Variants in SYNGR1 observed in about 807,000 individuals in gnomAD.
SYNGR1 encodes the protein synaptogyrin-1.
In SYNGR1, 14 loss-of-function variants were observed where a neutral mutation model predicts 26.1. The observed-to-expected ratio is 0.54, with a 90% CI of 0.35 to 0.84. SYNGR1 has a LOEUF of 0.84. Ranked by LOEUF, SYNGR1 falls within the 40% of genes least tolerant of loss-of-function variation. The pLI, the probability that SYNGR1 is intolerant of heterozygous loss-of-function variation, is 0.01. For missense variants in SYNGR1, 319 were observed against 332.9 expected (o/e 0.96, Z 0.33); for synonymous variants, 141 against 150.1 (o/e 0.94, Z 0.44).
chr22:39,367,256 C>T (rs942054203), intron 1 of SYNGR1, among the ~76,000 whole-genome samples: 2 of 152,224 alleles, frequency 1.3e-5, no homozygotes, highest in African/African-American at 2.4e-5. Flanking sequence ...AGTGAACGAA[C>T]GGCTGATGTC....
At chr22:39,356,252 A>C (rs1054750100) in intron 1 of SYNGR1, among the ~76,000 whole-genome samples, 37 of 152,026 alleles carry the variant, frequency 2.4e-4, no homozygotes, top group Non-Finnish European at 1.6e-4. Flanking sequence ...ACAGGGTTTC[A>C]TCATGTTGGC....
rs6001562 is a variant in SYNGR1, at chr22:39,376,215, G to A, written c.483+18G>A. ...TCACCTGGGTGAGTACAGCCACCGC[G>A]CACCAGCCCACACTCGTCCCCTTTC... On this transcript the variant is annotated intron_variant, in intron 3 of 3. Coordinates refer to ENST00000328933, the MANE Select transcript of SYNGR1 (RefSeq NM_004711.5). 11 of 1,613,768 alleles carry A rather than the reference G, an allele frequency of 6.8e-6. No individual in the cohort carries two copies. The highest frequency in any genetic ancestry group is 1.1e-5 in the South Asian group (1 of 91,086).
intron 3 of SYNGR1, among the ~76,000 whole-genome samples, chr22:39,378,593 AC>A (rs1290005715): frequency 6.6e-6 from 1 of 152,198 alleles, no homozygotes; most frequent in Non-Finnish European, 1.5e-5. Context: ...CTGGTGGAGC[AC>A]AGACAGTTCC....
chr22:39,351,637 G>C (rs1184228190), intron 1 of SYNGR1, among the ~76,000 whole-genome samples: 3 of 152,274 alleles, frequency 2.0e-5, no homozygotes, highest in Admixed American at 2.0e-4. Context: ...TGGCCTGGAA[G>C]GGCGAAGCCA....
chr22:39,358,654 TG>T (rs566598221), intron 1 of SYNGR1, among the ~76,000 whole-genome samples: 35 of 151,862 alleles, frequency 2.3e-4, no homozygotes, highest in African/African-American at 8.5e-4. Context: ...ACCAGAAGGA[TG>T]AAACTCCGGA....
At chr22:39,354,295 C>T (rs1205545580) in intron 1 of SYNGR1, among the ~76,000 whole-genome samples, 1 of 152,110 alleles carries the variant, frequency 6.6e-6, no homozygotes, top group Non-Finnish European at 1.5e-5. Context: ...GGGTATCTTC[C>T]CCCCGTTTTA....
At chr22:39,364,263 G>A (rs749851166) in intron 1 of SYNGR1, 33 of 1,614,012 alleles carry the variant, frequency 2.0e-5, no homozygotes, top group South Asian at 3.3e-5. Context: ...CACAGAGGTC[G>A]TGGGTGAGCT....
At chr22:39,356,398 G>A (rs1301049051) in intron 1 of SYNGR1, among the ~76,000 whole-genome samples, 3 of 152,170 alleles carry the variant, frequency 2.0e-5, no homozygotes, top group Non-Finnish European at 4.4e-5. Context: ...GCTGTGGTGC[G>A]TTTTGTTATC....
intron 1 of SYNGR1, chr22:39,364,133 G>A: frequency 6.2e-7 from 1 of 1,610,080 alleles, no homozygotes; most frequent in South Asian, 1.1e-5. Flanking sequence ...AGTAAAGTGG[G>A]CCTGTGCCCT....
chr22:39,364,209 G>A, intron 1 of SYNGR1: 1 of 1,613,640 alleles, frequency 6.2e-7, no homozygotes, highest in Non-Finnish European at 8.5e-7. Context: ...TGACCTTAGA[G>A]TTTGGGATTC....
chr22:39,377,503 C>T, intron 3 of SYNGR1: 4 of 1,552,310 alleles, frequency 2.6e-6, no homozygotes, highest in Non-Finnish European at 3.5e-6. Flanking sequence ...AAGTACCTGA[C>T]CAACAGGTGC....
chr22:39,358,330 T>G (rs1204298241), intron 1 of SYNGR1, among the ~76,000 whole-genome samples: 1 of 152,144 alleles, frequency 6.6e-6, no homozygotes, highest in Non-Finnish European at 1.5e-5. Flanking sequence ...GCTCTACCAA[T>G]CAGCAGGATG....
chr22:39,360,243 C>T (rs1178601127), intron 1 of SYNGR1, among the ~76,000 whole-genome samples: 1 of 152,190 alleles, frequency 6.6e-6, no homozygotes, highest in Non-Finnish European at 1.5e-5. Context: ...CTCTCTCCTC[C>T]ACCCTCAGTT....
chr22:39,355,457 C>T (rs370310068), intron 1 of SYNGR1, among the ~76,000 whole-genome samples: 22 of 152,356 alleles, frequency 1.4e-4, no homozygotes, highest in Middle Eastern at 3.4e-3. Context: ...CCGGCCGCTC[C>T]GCCGCTTCTT....
chr22:39,371,069 C>G (rs981389880), intron 1 of SYNGR1, among the ~76,000 whole-genome samples: 1 of 152,148 alleles, frequency 6.6e-6, no homozygotes, highest in Non-Finnish European at 1.5e-5. Flanking sequence ...AGACATCTTA[C>G]AGAGATAAGA....
At chr22:39,380,159 C>A in intron 3 of SYNGR1, 1 of 101,634 alleles carries the variant, frequency 9.8e-6, no homozygotes, top group Non-Finnish European at 1.9e-5. Flanking sequence ...AATCTGAGAT[C>A]TGTGAAAAAA....
chr22:39,355,383 G>A (rs1419148024), intron 1 of SYNGR1, among the ~76,000 whole-genome samples: 2 of 152,240 alleles, frequency 1.3e-5, no homozygotes, highest in Admixed American at 6.5e-5. Context: ...GTGGGCCCAC[G>A]GCCCTTGTTT....
rs1303792984 is a variant in SYNGR1 at position 39,350,010 on chromosome 22, G to C, written c.-1G>C. 2 of 1,289,890 alleles carry C rather than the reference G, an allele frequency of 1.6e-6. No homozygotes were observed. Among genetic ancestry groups the C allele is most frequent in the African/African-American group, 1.5e-5 (1 of 64,978 alleles). 79.9% of individuals were successfully genotyped at this position (1,289,890 alleles called of 1,614,324 possible). A position where few individuals can be genotyped will look rare whatever the true frequency, so the allele number is the denominator to read the frequency against. On this transcript the variant is annotated 5_prime_UTR_variant, in exon 1 of 4. Transcript: ENST00000328933. The surrounding 1 kb of genome is among the most constrained non-coding windows in gnomAD (Gnocchi z 4.3). Reference sequence around the variant, plus strand: ...GGGGGCACCGCGCGGGTGCAGCCACGATGGAAGGGGGTGCGTACGGAGCGG... The same window carrying C: ...GGGGGCACCGCGCGGGTGCAGCCACCATGGAAGGGGGTGCGTACGGAGCGG...
At chr22:39,375,764 C>T in intron 2 of SYNGR1, 3 of 604,296 alleles carry the variant, frequency 5.0e-6, no homozygotes, top group Non-Finnish European at 8.9e-6. Flanking sequence ...TCTCTCCCTC[C>T]ATCCTCCCCT....
Sources: allele counts gnomAD v4.1 joint callset (sites outside exome capture counted in the v4.1 genomes callset), GRCh38; gene constraint gnomAD v4.1.1; non-coding constraint Gnocchi (gnomAD v3.1); transcripts MANE v1.5; gene names NCBI Gene and HGNC (gene_info 2026-07-23, HGNC 2026-07-21).